The following DNAH7 variants were observed in gnomAD, a reference collection of about 807,000 sequenced individuals.
The protein encoded by DNAH7 is dynein axonemal heavy chain 7, also known as axonemal beta dynein heavy chain 7.
DNAH7 carries 397 observed loss-of-function variants against 444.6 expected under a neutral mutation model. The ratio of observed to expected loss-of-function variants is 0.89; its 90% CI spans 0.82 to 0.97. The LOEUF (loss-of-function observed/expected upper bound fraction) is 0.97. Among genes scored for constraint, DNAH7 ranks in the 50% least tolerant of loss-of-function variants. DNAH7 has a pLI of 0.00. For synonymous variants in DNAH7, 1,636 were observed against 1,624.4 expected, an observed-to-expected ratio of 1.01 and a Z score of -0.17; for missense variants, 4,902 against 4,800.8, an observed-to-expected ratio of 1.02 and a Z score of -0.62.
intron 58 of DNAH7, among the ~76,000 whole-genome samples, chr2:195,784,991 A>G (rs1035197677): frequency 1.3e-5 from 2 of 150,594 alleles, no homozygotes; most frequent in Non-Finnish European, 3.0e-5. Flanking sequence ...GGCTCACTGC[A>G]AGCTCCGCCT....
chr2:195,771,831 A>C lies in DNAH7; in HGVS notation c.11262T>G (p.Ser3754Arg). 3 of 1,614,168 alleles carry C rather than the reference A, an allele frequency of 1.9e-6. No homozygotes were observed. Among genetic ancestry groups the C allele is most frequent in the Non-Finnish European group, 2.5e-6 (3 of 1,180,024 alleles). The change falls in exon 61 of 65, where the codon AGT becomes AGG. Residue 3754 changes from serine (S) to arginine (R), a missense_variant. Transcript: ENST00000312428. ...SSDEVVNEVA[S>R]DILGKLPNNF... ...TGTTTGGAAGTTTGCCCAAGATGTC[A>C]CTAGCGACCTCATTCACTACTTCAT...
intron 10 of DNAH7, among the ~76,000 whole-genome samples, chr2:196,007,145 T>C (rs1694427500): frequency 6.6e-6 from 1 of 152,104 alleles, no homozygotes; most frequent in South Asian, 2.1e-4. Context: ...ATTTTTCAAC[T>C]CAGAAAAATA....
chr2:195,809,331 CCAATA>C (rs989386554), intron 52 of DNAH7, among the ~76,000 whole-genome samples: 4 of 152,104 alleles, frequency 2.6e-5, no homozygotes, highest in African/African-American at 7.2e-5. Context: ...CAGAATTCAA[CCAATA>C]CATCACCATA....
intron 40 of DNAH7, among the ~76,000 whole-genome samples, chr2:195,868,680 T>C (rs1043724844): frequency 2.0e-5 from 3 of 151,092 alleles, no homozygotes; most frequent in South Asian, 2.1e-4. Context: ...TGGTGTTTTT[T>C]GAAGCATAAA....
chr2:195,780,824 C>T (rs1695337767), intron 58 of DNAH7, among the ~76,000 whole-genome samples: 1 of 151,628 alleles, frequency 6.6e-6, no homozygotes, highest in Non-Finnish European at 1.5e-5. Context: ...AGAATTTTTT[C>T]ATCATTTTTG....
intron 12 of DNAH7, among the ~76,000 whole-genome samples, chr2:195,988,621 T>A (rs1272173277): frequency 2.0e-5 from 3 of 152,200 alleles, no homozygotes; most frequent in Non-Finnish European, 4.4e-5. Context: ...ATACATTGTG[T>A]ATTGATCAAA....
intron 61 of DNAH7, among the ~76,000 whole-genome samples, chr2:195,765,672 A>G (rs1365360987): frequency 1.3e-5 from 2 of 152,220 alleles, no homozygotes; most frequent in African/African-American, 4.8e-5. Flanking sequence ...CAAAACTACA[A>G]TAAGATATCA....
chr2:195,795,546 A>G (rs1372521949), intron 56 of DNAH7, among the ~76,000 whole-genome samples: 1 of 152,208 alleles, frequency 6.6e-6, no homozygotes, highest in Non-Finnish European at 1.5e-5. Flanking sequence ...AAAGTGAAAG[A>G]AGTTCAAAAG....
chr2:195,979,620 A>G (rs1178146718), intron 15 of DNAH7, among the ~76,000 whole-genome samples: 1 of 152,138 alleles, frequency 6.6e-6, no homozygotes, highest in Admixed American at 6.6e-5. Flanking sequence ...AATAAACATC[A>G]GAGCAGAAAT....
At chr2:195,791,067 T>G (rs1477580971) in intron 57 of DNAH7, among the ~76,000 whole-genome samples, 2 of 151,974 alleles carry the variant, frequency 1.3e-5, no homozygotes, top group African/African-American at 4.8e-5. Context: ...GACTTACAAG[T>G]GGCCAAGAAA....
intron 19 of DNAH7, among the ~76,000 whole-genome samples, chr2:195,953,949 GC>G (rs1690446404): frequency 6.6e-6 from 1 of 152,154 alleles, no homozygotes; most frequent in African/African-American, 2.4e-5. Context: ...GAGAGCATGA[GC>G]AAAAGCTTCC....
chr2:196,047,065 A>AC (rs911719810), intron 5 of DNAH7, among the ~76,000 whole-genome samples: 3 of 152,036 alleles, frequency 2.0e-5, no homozygotes, highest in African/African-American at 7.3e-5. Context: ...GGGAAAAAAA[A>AC]CCTGCTAGAA....
At chr2:196,028,086 G>A (rs186332487) in intron 5 of DNAH7, 39 bp from the exon 6 acceptor site, 3 of 1,541,074 alleles carry the variant, frequency 1.9e-6, no homozygotes, top group Admixed American at 3.6e-5. Flanking sequence ...AAGTAGATAA[G>A]GGGCAGTTAG....
Position 195,881,834 on chromosome 2 carries a change from A to C in DNAH7, c.5922T>G (p.Phe1974Leu). ...TTTTCCCAGTTCCTGTTGGTCCTAC[A>C]AATATTGAAGGCTTTTGATGGGTGG... ...LLTTHQKPSIFVGPTGTGKSV... is the reference protein window; with the variant it reads ...LLTTHQKPSILVGPTGTGKSV... The change falls in exon 36 of 65, where the codon TTT becomes TTG. Residue 1974 changes from phenylalanine (F) to leucine (L), a missense_variant. By Grantham distance (22) the Phe-to-Leu change is conservative (BLOSUM62 0). Transcript: ENST00000312428. The C allele has an allele frequency of 6.2e-7, 1 of 1,614,052 alleles. No individual in the cohort carries two copies. The highest frequency in any genetic ancestry group is 1.1e-5 in the South Asian group (1 of 91,078).
At chr2:195,806,894 C>T (rs1696741380) in intron 53 of DNAH7, 62 bp from the exon 54 acceptor site, 2 of 1,281,394 alleles carry the variant, frequency 1.6e-6, no homozygotes, top group Admixed American at 1.9e-5. Context: ...AGTATTTTCA[C>T]TTATAAACCA....
At chr2:195,855,744 A>G (rs1699660146) in intron 45 of DNAH7, 67 bp downstream of exon 45, 2 of 1,550,914 alleles carry the variant, frequency 1.3e-6, no homozygotes, top group Admixed American at 1.7e-5. Context: ...GTTATGTGCT[A>G]GTACGAACAT....
At chr2:195,910,634 G>C (rs1449237099) in intron 24 of DNAH7, among the ~76,000 whole-genome samples, 1 of 152,116 alleles carries the variant, frequency 6.6e-6, no homozygotes, top group Admixed American at 6.6e-5. Context: ...ATTGTTTCGG[G>C]ATCAGTATAT....
intron 54 of DNAH7, among the ~76,000 whole-genome samples, chr2:195,804,074 C>T (rs1160249202): frequency 6.8e-6 from 1 of 147,668 alleles, no homozygotes; most frequent in African/African-American, 2.5e-5. Context: ...AGACCCCCCC[C>T]AAATTGTGCT....
chr2:195,795,237 C>T (rs1696078583), intron 56 of DNAH7, among the ~76,000 whole-genome samples: 1 of 152,108 alleles, frequency 6.6e-6, no homozygotes, highest in African/African-American at 2.4e-5. Flanking sequence ...AAAAATTTAG[C>T]CGGCCATGGT....
Sources: gnomAD v4.1 joint callset for allele counts (sites outside exome capture counted in the v4.1 genomes callset) on GRCh38, gnomAD v4.1.1 for gene constraint, MANE v1.5 for transcripts, NCBI Gene and HGNC (gene_info 2026-07-23, HGNC 2026-07-21) for gene names.